TANGO6: variants seen among roughly 807,000 people sequenced by gnomAD.
TANGO6 encodes transport and golgi organization 6 homolog, also known as transport and Golgi organization protein 6 homolog.
TANGO6 carries 90 observed loss-of-function variants against 114.2 expected under a neutral mutation model. The ratio of observed to expected loss-of-function variants is 0.79; its 90% confidence interval spans 0.66 to 0.94. TANGO6 has a LOEUF of 0.94. TANGO6 is among the 40% of genes least tolerant of loss of function. The pLI, the probability that TANGO6 is intolerant of heterozygous loss-of-function variation, is 0.00. For synonymous variants in TANGO6, 477 were observed against 509.8 expected (o/e 0.94, Z 0.87); for missense variants, 1,274 against 1,315.3 (o/e 0.97, Z 0.49).
chr16:68,920,114 G>T lies in TANGO6; in HGVS notation c.2127+895G>T, dbSNP rs551990389. On this transcript the variant is annotated intron_variant, in intron 12 of 17. Transcript: ENST00000261778. ...TGTGCCACACATACTAAGCTAGGGTGCTGGGAATACAGCAGGGGACAGGGC... is the reference window on the plus strand; with the variant it reads ...TGTGCCACACATACTAAGCTAGGGTTCTGGGAATACAGCAGGGGACAGGGC... Among the ~76,000 whole-genome samples, 112 of 152,328 alleles carry T rather than the reference G, an allele frequency of 7.4e-4. 1 individual carries two copies. The highest frequency in any genetic ancestry group is 7.2e-3 in the Admixed American group (110 of 15,306).
intron 12 of TANGO6, 73 bp downstream of exon 12, chr16:68,919,292 A>G: frequency 1.3e-6 from 2 of 1,544,126 alleles, no homozygotes; most frequent in Non-Finnish European, 1.8e-6. Flanking sequence ...TTCCTTCCAT[A>G]TCCTTGTGAG....
intron 11 of TANGO6, among the ~76,000 whole-genome samples, chr16:68,917,585 G>A (rs1963024185): frequency 6.6e-6 from 1 of 152,128 alleles, no homozygotes; most frequent in African/African-American, 2.4e-5. Flanking sequence ...GGTGAAATCA[G>A]TTCTCTGGAT....
At chr16:69,054,547 A>G (rs1013898801) in intron 17 of TANGO6, among the ~76,000 whole-genome samples, 1 of 152,044 alleles carries the variant, frequency 6.6e-6, no homozygotes, top group Non-Finnish European at 1.5e-5. Context: ...TACTATTAAT[A>G]ATTATTACCA....
chr16:68,974,425 G>A (rs914823820), intron 15 of TANGO6, among the ~76,000 whole-genome samples: 7 of 152,162 alleles, frequency 4.6e-5, no homozygotes, highest in African/African-American at 1.4e-4. Flanking sequence ...ACTTTGGGAG[G>A]CCGAGGCAGG....
intron 14 of TANGO6, among the ~76,000 whole-genome samples, chr16:68,950,600 C>T (rs1490918295): frequency 6.6e-6 from 1 of 151,212 alleles, no homozygotes; most frequent in African/African-American, 2.4e-5. Flanking sequence ...GTGGCTCACA[C>T]CTGTAGTCCC....
chr16:68,901,574 T>C (rs7194101), intron 8 of TANGO6, among the ~76,000 whole-genome samples: 34,660 of 152,132 alleles, frequency 0.23, 4,282 homozygotes, highest in African/African-American at 0.34. Context: ...CTGCAACCTC[T>C]GCCTCCTGAG....
rs1567525651 is a variant in TANGO6 at position 68,860,538 on chromosome 16, GAGAA to G, written c.735+18_735+21del. On this transcript the variant is annotated intron_variant, in intron 2 of 17. Transcript: ENST00000261778. Reference sequence around the variant, plus strand: ...CCTGCAGAAGAGGTAAATATACATTGAGAAAGAGAGAGGGAGAGATTGTGTGTGT... The same window carrying G: ...CCTGCAGAAGAGGTAAATATACATTGAGAGAGAGGGAGAGATTGTGTGTGT... The G allele has an allele frequency of 1.2e-6, 2 of 1,606,350 alleles. No individual in the cohort carries two copies. Among genetic ancestry groups the G allele is most frequent in the South Asian group, 1.1e-5 (1 of 90,902 alleles).
At chr16:68,850,782 C>G (rs1596987189) in intron 1 of TANGO6, among the ~76,000 whole-genome samples, 1 of 152,166 alleles carries the variant, frequency 6.6e-6, no homozygotes, top group African/African-American at 2.4e-5. Context: ...TTCATGAAAA[C>G]AGTTGGTGGG....
chr16:68,988,896 T>C (rs1963922239), intron 15 of TANGO6, among the ~76,000 whole-genome samples: 1 of 152,026 alleles, frequency 6.6e-6, no homozygotes, highest in East Asian at 1.9e-4. Context: ...GGACCGGATG[T>C]CACTCTGTCT....
At chr16:69,001,986 TTC>T (rs1274807687) in intron 15 of TANGO6, among the ~76,000 whole-genome samples, 2 of 152,138 alleles carry the variant, frequency 1.3e-5, no homozygotes, top group Non-Finnish European at 2.9e-5. Context: ...GCAAAATAAT[TTC>T]TGATACCCCC....
chr16:68,973,515 A>G (rs1372453772), intron 14 of TANGO6, among the ~76,000 whole-genome samples: 2 of 152,188 alleles, frequency 1.3e-5, no homozygotes, highest in Non-Finnish European at 2.9e-5. Flanking sequence ...ACACTGTTCC[A>G]GGCTACACAT....
At chr16:68,990,808 G>A (rs11866078) in intron 15 of TANGO6, among the ~76,000 whole-genome samples, 3,441 of 152,248 alleles carry the variant, frequency 0.023, 136 homozygotes, top group African/African-American at 0.078. Flanking sequence ...TAATGGATTT[G>A]GAGTTTATGT....
chr16:69,037,091 G>A (rs922315810), intron 16 of TANGO6, among the ~76,000 whole-genome samples: 18 of 148,052 alleles, frequency 1.2e-4, no homozygotes, highest in African/African-American at 2.5e-4. Flanking sequence ...AGCTGAGATC[G>A]TGCTACTGCA....
chr16:68,896,463 C>G (rs1017460237), intron 7 of TANGO6, among the ~76,000 whole-genome samples: 10 of 152,148 alleles, frequency 6.6e-5, no homozygotes, highest in African/African-American at 2.4e-4. Flanking sequence ...CAGACATGCA[C>G]CACCATGCCC....
At chr16:68,918,179 A>T (rs1963034734) in intron 11 of TANGO6, among the ~76,000 whole-genome samples, 1 of 152,078 alleles carries the variant, frequency 6.6e-6, no homozygotes, top group South Asian at 2.1e-4. Flanking sequence ...AAGTGCTGGG[A>T]TTACAGGCGT....
intron 15 of TANGO6, among the ~76,000 whole-genome samples, chr16:69,009,072 CTTTT>C (rs869092742): frequency 1.3e-5 from 1 of 77,678 alleles, no homozygotes; most frequent in Non-Finnish European, 2.5e-5. Flanking sequence ...GAGTTTATTT[CTTTT>C]TTTTTTTTTT....
At chr16:68,848,766 T>C (rs887392859) in intron 1 of TANGO6, among the ~76,000 whole-genome samples, 1 of 152,168 alleles carries the variant, frequency 6.6e-6, no homozygotes, top group Non-Finnish European at 1.5e-5. Context: ...TCTTTTTTGT[T>C]GTATTATGAA....
At chr16:68,902,627 C>T in intron 9 of TANGO6, 123 bp downstream of exon 9, 3 of 846,934 alleles carry the variant, frequency 3.5e-6, no homozygotes, top group South Asian at 4.9e-5. Context: ...GCTCAGGTGC[C>T]TGCTATTTAT....
chr16:68,916,326 A>G (rs1279828781), intron 11 of TANGO6, among the ~76,000 whole-genome samples: 3 of 152,122 alleles, frequency 2.0e-5, no homozygotes, highest in African/African-American at 4.8e-5. Context: ...AGATTCTCAT[A>G]GGAGCACAAA....
Sources: gnomAD v4.1 joint callset for allele counts (sites outside exome capture counted in the v4.1 genomes callset) on GRCh38, gnomAD v4.1.1 for gene constraint, MANE v1.5 for transcripts, NCBI Gene and HGNC (gene_info 2026-07-23, HGNC 2026-07-21) for gene names.